PCDHGA9: variants seen among roughly 807,000 people sequenced by gnomAD.
PCDHGA9 encodes protocadherin gamma-A9.
PCDHGA9 carries 37 observed loss-of-function variants against 62.5 expected under a neutral mutation model. The observed-to-expected ratio is 0.59, with a 90% CI of 0.46 to 0.78. The LOEUF (loss-of-function observed/expected upper bound fraction) is 0.78, where lower values mean the gene tolerates loss of function less well. Ranked by LOEUF, PCDHGA9 falls within the 30% of genes least tolerant of loss-of-function variation. PCDHGA9 has a pLI of 0.00. For synonymous variants in PCDHGA9, 459 were observed against 484.6 expected (o/e 0.95, Z 0.69); for missense variants, 1,138 against 1,166.2 (o/e 0.98, Z 0.35).
intron 1 of PCDHGA9, among the ~76,000 whole-genome samples, chr5:141,436,521 C>T (rs2097829891): frequency 6.6e-6 from 1 of 152,086 alleles, no homozygotes; most frequent in African/African-American, 2.4e-5. Flanking sequence ...AACTGTGTCA[C>T]CTTTAGCAAG....
chr5:141,408,378 T>C lies in PCDHGA9; in HGVS notation c.2424+3002T>C, dbSNP rs1369625426. 28 of 1,613,884 alleles carry C rather than the reference T, an allele frequency of 1.7e-5. No homozygotes were observed. The South Asian group carries it at 3.0e-4, about 17-fold the overall frequency. The stretch of plus-strand genomic sequence containing the variant: ...GCTAAGGATCTAGGGCTCAGTGTCC[T>C]GGATGTGTCGGCTCGCAAGCTGCGA... On this transcript the variant is annotated intron_variant, in intron 1 of 3. Transcript: ENST00000573521.
chr5:141,427,974 G>T, intron 1 of PCDHGA9: 1 of 1,594,576 alleles, frequency 6.3e-7, no homozygotes, highest in South Asian at 1.1e-5. Flanking sequence ...GCTGTACCCC[G>T]CGCTGGGGCC....
intron 1 of PCDHGA9, among the ~76,000 whole-genome samples, chr5:141,407,092 T>C (rs917246877): frequency 1.3e-5 from 2 of 152,360 alleles, no homozygotes; most frequent in Admixed American, 6.5e-5. Context: ...AGAATTGTTT[T>C]ATTTGTTTGT....
At chr5:141,508,859 G>C (rs1268915304) in intron 3 of PCDHGA9, among the ~76,000 whole-genome samples, 1 of 152,086 alleles carries the variant, frequency 6.6e-6, no homozygotes, top group Non-Finnish European at 1.5e-5. Flanking sequence ...CCCAGGCTGG[G>C]AAAGGCTGAA....
chr5:141,409,022 A>G (rs1258261622), intron 1 of PCDHGA9: 1 of 1,614,046 alleles, frequency 6.2e-7, no homozygotes, highest in Non-Finnish European at 8.5e-7. Flanking sequence ...TGAGGGGGTC[A>G]ATGCTGAGAT....
At chr5:141,475,955 C>G (rs1562050812) in intron 1 of PCDHGA9, 8 of 800,218 alleles carry the variant, frequency 1.0e-5, no homozygotes, top group South Asian at 1.9e-5. Flanking sequence ...TTCTGCGCCC[C>G]GGGATGAGGC....
At chr5:141,421,489 G>A in intron 1 of PCDHGA9, 1 of 1,614,094 alleles carries the variant, frequency 6.2e-7, no homozygotes, top group Non-Finnish European at 8.5e-7. Flanking sequence ...CTTGATCACG[G>A]CAGGCAGGAT....
Position 141,403,247 on chromosome 5 carries a change from A to T in PCDHGA9, c.295A>T (p.Ser99Cys). 1 of 1,613,910 alleles carries T rather than the reference A, an allele frequency of 6.2e-7. No homozygotes were observed. The highest frequency in any genetic ancestry group is 1.6e-4 in the Middle Eastern group (1 of 6,062). ...AGACCGGGAGGAGCTCTGTGCTCAG[A>T]GCCCGCGGTGTCTGGTGAACTTTAA... The part of the protein sequence containing the change: ...RIDREELCAQ[S>C]PRCLVNFKVL... Residue 99 changes from serine to cysteine, a missense_variant, in exon 1 of 4, where the codon AGC becomes TGC. Transcript: ENST00000573521.
intron 1 of PCDHGA9, chr5:141,422,879 T>A: frequency 6.2e-7 from 1 of 1,614,240 alleles, no homozygotes; most frequent in Non-Finnish European, 8.5e-7. Context: ...TCGCTGAGCC[T>A]GTTCGTGCTG....
At chr5:141,413,109 A>G in intron 1 of PCDHGA9, 2 of 1,498,490 alleles carry the variant, frequency 1.3e-6, no homozygotes, top group African/African-American at 1.4e-5. Flanking sequence ...ACAGAAAGAC[A>G]AAGGAACCGG....
chr5:141,497,466 G>T (rs1047422582), intron 2 of PCDHGA9, among the ~76,000 whole-genome samples: 2 of 152,020 alleles, frequency 1.3e-5, no homozygotes, highest in African/African-American at 4.8e-5. Flanking sequence ...TGGAGATATG[G>T]AGGAGAAGGT....
rs1315225126 is a variant in PCDHGA9 at position 141,487,926 on chromosome 5, A to G, written c.2425-6881A>G. The G allele has an allele frequency of 2.2e-5, 14 of 626,676 alleles. No individual in the cohort carries two copies. Among genetic ancestry groups the G allele is most frequent in the Non-Finnish European group, 3.9e-5 (14 of 359,988 alleles). The allele number at this position is 626,676 out of a possible 1,614,324, so 38.8% of individuals were successfully genotyped here. ...GTGGGAGCACAGGAGGCTACAGTGC[A>G]CAGGGTACAGTGCACCAGGCAGTCA... On this transcript the variant is annotated intron_variant, in intron 1 of 3. Coordinates refer to ENST00000573521, the MANE Select transcript of PCDHGA9 (RefSeq NM_018921.3). The surrounding 1 kb of genome is among the most constrained non-coding windows in gnomAD (Gnocchi z 5.0).
rs1410419839 is a variant in PCDHGA9 at position 141,429,391 on chromosome 5, A to ATTTT, written c.2424+24015_2424+24016insTTTT. Among the ~76,000 whole-genome samples, 380 of 151,312 alleles carry ATTTT rather than the reference A, an allele frequency of 2.5e-3. 1 individual carries two copies. The highest frequency in any genetic ancestry group is 4.2e-3 in the South Asian group (20 of 4,768). On this transcript the variant is annotated intron_variant, in intron 1 of 3. Coordinates refer to ENST00000573521, the MANE Select transcript of PCDHGA9 (RefSeq NM_018921.3). The stretch of plus-strand genomic sequence containing the variant: ...GGAGAAAATGTGTTTTTTTTTTAAA[A>ATTTT]AAAATTGAGATTAAGGTCTCATTAT...
chr5:141,420,271 A>G, intron 1 of PCDHGA9: 1 of 1,536,584 alleles, frequency 6.5e-7, no homozygotes, highest in Non-Finnish European at 8.8e-7. Flanking sequence ...AGATTCTTAA[A>G]CAGGTAAGTA....
At chr5:141,448,139 C>A (rs1486636157) in intron 1 of PCDHGA9, among the ~76,000 whole-genome samples, 1 of 151,884 alleles carries the variant, frequency 6.6e-6, no homozygotes, top group African/African-American at 2.4e-5. Context: ...CCTCACTATA[C>A]CTCAGACTCA....
Position 141,504,006 on chromosome 5 carries a change from G to C in PCDHGA9, c.2484-1387G>C, listed in dbSNP as rs138738950. Among the ~76,000 whole-genome samples, 1,431 of 152,182 alleles carry C rather than the reference G, an allele frequency of 9.4e-3. 31 individuals are homozygous for C. The highest frequency in any genetic ancestry group is 0.033 in the African/African-American group (1,367 of 41,490). On this transcript the variant is annotated intron_variant, in intron 2 of 3. Coordinates refer to ENST00000573521, the MANE Select transcript of PCDHGA9 (RefSeq NM_018921.3). The stretch of plus-strand genomic sequence containing the variant: ...CTTCTTACCTTACAGTCACTTAACT[G>C]TCTCTGCTGGTCTCTTCCCACTCAT...
chr5:141,415,107 A>T, intron 1 of PCDHGA9: 1 of 1,613,624 alleles, frequency 6.2e-7, no homozygotes, highest in Non-Finnish European at 8.5e-7. Flanking sequence ...CGCTCAAGCA[A>T]AGCCTCGTAG....
At chr5:141,480,178 C>T (rs143309515) in intron 1 of PCDHGA9, among the ~76,000 whole-genome samples, 346 of 150,752 alleles carry the variant, frequency 2.3e-3, no homozygotes, top group Non-Finnish European at 2.8e-3. Flanking sequence ...CTGAGGCAGG[C>T]GGATTGCTTG....
chr5:141,409,608 C>T, intron 1 of PCDHGA9: 18 of 1,613,942 alleles, frequency 1.1e-5, no homozygotes, highest in Non-Finnish European at 1.4e-5. Flanking sequence ...CCGCCAGGAG[C>T]CTCCATTGCG....
Sources: gnomAD v4.1 joint callset for allele counts (sites outside exome capture counted in the v4.1 genomes callset) on GRCh38, gnomAD v4.1.1 for gene constraint, Gnocchi (gnomAD v3.1) non-coding constraint, MANE v1.5 for transcripts, NCBI Gene and HGNC (gene_info 2026-07-23, HGNC 2026-07-21) for gene names.